The following ZNF667 variants were observed in gnomAD, a reference collection of about 807,000 sequenced individuals.
ZNF667 encodes the protein zinc finger protein 667, also known as myocardial ischemic preconditioning upregulated 1 ortholog.
Under a neutral mutation model 31.8 loss-of-function variants are expected in ZNF667, and 13 were observed. That is an observed-to-expected ratio of 0.41 (90% CI 0.27 to 0.65). The LOEUF is 0.65. ZNF667 is among the 30% of genes least tolerant of loss of function. The probability of loss-of-function intolerance (pLI) is 0.32; values close to 1 mark genes in which losing one functional copy is unlikely to be tolerated. For missense variants in ZNF667, 642 were observed against 725.6 expected, an observed-to-expected ratio of 0.88 and a Z score of 1.32; for synonymous variants, 228 against 247.1, an observed-to-expected ratio of 0.92 and a Z score of 0.73.
intron 6 of ZNF667, among the ~76,000 whole-genome samples, chr19:56,446,883 G>C (rs1311956546): frequency 6.6e-6 from 1 of 152,022 alleles, no homozygotes; most frequent in Non-Finnish European, 1.5e-5. Flanking sequence ...AAAACTCTTA[G>C]CTTCCCTTCC....
chr19:56,462,312 C>CGGAA, intron 4 of ZNF667, 26 bp downstream of exon 4: 3 of 1,614,004 alleles, frequency 1.9e-6, no homozygotes, highest in Non-Finnish European at 2.5e-6. Flanking sequence ...TGGGGTGTTC[C>CGGAA]GGAAGGAAGA....
chr19:56,462,674 C>T (rs2043072525), intron 3 of ZNF667, among the ~76,000 whole-genome samples: 1 of 152,212 alleles, frequency 6.6e-6, no homozygotes, highest in Non-Finnish European at 1.5e-5. Context: ...AAGGACTGCA[C>T]AGACCTCTGG....
intron 6 of ZNF667, chr19:56,449,523 TA>T (rs770364131): frequency 1.4e-3 from 377 of 275,104 alleles, no homozygotes; most frequent in Middle Eastern, 2.7e-3. Flanking sequence ...CTACTAAAAA[TA>T]AAAAAAAATT....
intron 4 of ZNF667, among the ~76,000 whole-genome samples, chr19:56,461,180 G>A (rs1006351401): frequency 2.0e-5 from 3 of 152,136 alleles, no homozygotes; most frequent in Admixed American, 2.0e-4. Context: ...AGGAAACTGA[G>A]GCCCAGAGAG....
At position 56,442,092 on chromosome 19, in the gene ZNF667, T is replaced by C. The variant is rs1201619553; in HGVS notation, c.903A>G (p.Arg301=). 15 of 1,614,062 alleles carry C rather than the reference T, an allele frequency of 9.3e-6. No homozygotes were observed. Among genetic ancestry groups the C allele is most frequent in the Non-Finnish European group, 1.3e-5 (15 of 1,180,042 alleles). ...KKKSVFVVHK[R]IHAGEKIPEN... Reference sequence around the variant, plus strand: ...CAGGGATTTTCTCTCCAGCATGAATTCTTTTATGTACAACAAAGACTGATT... The same window carrying C: ...CAGGGATTTTCTCTCCAGCATGAATCCTTTTATGTACAACAAAGACTGATT... The change falls in exon 7 of 7, where the codon AGA becomes AGG. Residue 301 remains arginine, a synonymous_variant. Transcript: ENST00000504904.
chr19:56,441,640 A>G lies in ZNF667; in HGVS notation c.1355T>C (p.Phe452Ser). The G allele has an allele frequency of 6.2e-7, 1 of 1,614,088 alleles. No individual in the cohort carries two copies. The highest frequency in any genetic ancestry group is 8.5e-7 in the Non-Finnish European group (1 of 1,179,998). ...PFKCNKCSKV[F>S]GRQSFLIEHQ... ...TTCAATAAGAAATGATTGGCGGCCG[A>G]AAACTTTACTACATTTATTGCATTT... Residue 452 changes from phenylalanine (F) to serine (S), a missense_variant, in exon 7 of 7, where the codon TTC (phenylalanine) becomes TCC (serine). Phe to Ser is a radical substitution (Grantham distance 155). Transcript: ENST00000504904. This position sits in a 1 kb window ranked among gnomAD's most constrained non-coding sequence, Gnocchi z 4.2.
intron 5 of ZNF667, among the ~76,000 whole-genome samples, chr19:56,459,798 C>A (rs2043006880): frequency 1.3e-5 from 2 of 152,234 alleles, no homozygotes; most frequent in Non-Finnish European, 1.5e-5. Context: ...TCGAGACCAT[C>A]CTGGCTAATA....
intron 1 of ZNF667, chr19:56,474,966 G>C (rs978026036): frequency 1.3e-5 from 2 of 152,172 alleles, no homozygotes; most frequent in Non-Finnish European, 2.9e-5. Flanking sequence ...AGACCTCAGT[G>C]AAGAGAAAAG....
intron 6 of ZNF667, chr19:56,444,139 ATT>A: frequency 2.5e-6 from 1 of 398,286 alleles, no homozygotes; most frequent in Non-Finnish European, 4.4e-6. Context: ...ACCTGTTTGT[ATT>A]AGGAAGTTCC....
At chr19:56,460,412 G>C (rs1600435993) in intron 5 of ZNF667, among the ~76,000 whole-genome samples, 3 of 152,188 alleles carry the variant, frequency 2.0e-5, no homozygotes, top group Admixed American at 2.0e-4. Context: ...GTGGCCAGGG[G>C]AGACGAAGAG....
At chr19:56,471,365 C>T (rs143297711) in intron 3 of ZNF667, among the ~76,000 whole-genome samples, 2 of 152,326 alleles carry the variant, frequency 1.3e-5, no homozygotes, top group East Asian at 3.9e-4. Flanking sequence ...CTAATACACA[C>T]TCCCACCACA....
chr19:56,453,125 G>T (rs570219410), intron 6 of ZNF667, among the ~76,000 whole-genome samples: 9 of 152,168 alleles, frequency 5.9e-5, no homozygotes, highest in Non-Finnish European at 1.0e-4. Context: ...AAACCTAGAA[G>T]AAATAGATAA....
intron 3 of ZNF667, among the ~76,000 whole-genome samples, chr19:56,464,810 G>A (rs751621621): frequency 7.2e-5 from 11 of 152,254 alleles, no homozygotes; most frequent in Admixed American, 1.3e-4. Flanking sequence ...AACCTACCTA[G>A]CATAGAGCAG....
intron 1 of ZNF667, chr19:56,475,271 T>G (rs1253690384): frequency 6.6e-6 from 1 of 152,202 alleles, no homozygotes; most frequent in Non-Finnish European, 1.5e-5. Context: ...CAGTGCCCAA[T>G]CCATGGTAGG....
At chr19:56,452,799 A>G (rs547404376) in intron 6 of ZNF667, among the ~76,000 whole-genome samples, 1 of 152,146 alleles carries the variant, frequency 6.6e-6, no homozygotes, top group East Asian at 1.9e-4. Flanking sequence ...GGACGCTTGT[A>G]ATCCCAGCTA....
chr19:56,457,110 A>T (rs2042948022), intron 6 of ZNF667, among the ~76,000 whole-genome samples: 2 of 152,186 alleles, frequency 1.3e-5, no homozygotes, highest in Non-Finnish European at 2.9e-5. Flanking sequence ...AACTCAATGA[A>T]TGCTACTTAA....
intron 5 of ZNF667, among the ~76,000 whole-genome samples, chr19:56,458,512 T>C (rs1354434387): frequency 2.0e-5 from 3 of 152,226 alleles, no homozygotes; most frequent in Admixed American, 2.0e-4. Context: ...AGACTGTGAC[T>C]GGGGGCTCCT....
intron 4 of ZNF667, among the ~76,000 whole-genome samples, chr19:56,461,017 T>A (rs2043034218): frequency 6.6e-6 from 1 of 152,216 alleles, no homozygotes; most frequent in African/African-American, 2.4e-5. Context: ...TTATTAAAAT[T>A]ATGTTGCATT....
chr19:56,440,129 C>T lies in ZNF667; in HGVS notation c.*1033G>A, dbSNP rs559403202. ...GACATAAACATTCAGTCCATAACAA[C>T]TCATATTACACCACTTATTGCATAC... On this transcript the variant is annotated 3_prime_UTR_variant, in exon 7 of 7. Transcript: ENST00000504904. 5 of 152,312 alleles carry T rather than the reference C, an allele frequency of 3.3e-5. No homozygotes were observed. Among genetic ancestry groups the T allele is most frequent in the South Asian group, 4.1e-4 (2 of 4,824 alleles). The allele number at this position is 152,312 out of a possible 1,614,324, so 9.4% of individuals were successfully genotyped here.
Sources: gnomAD v4.1 joint callset for allele counts (sites outside exome capture counted in the v4.1 genomes callset) on GRCh38, gnomAD v4.1.1 for gene constraint, Gnocchi (gnomAD v3.1) non-coding constraint, MANE v1.5 for transcripts, NCBI Gene and HGNC (gene_info 2026-07-23, HGNC 2026-07-21) for gene names.